The following RUBCNL variants were observed in gnomAD, a reference collection of about 807,000 sequenced individuals.
RUBCNL encodes rubicon like autophagy enhancer, also known as protein associated with UVRAG as autophagy enhancer.
A neutral mutation model predicts 69.5 loss-of-function variants in RUBCNL; 62 were observed. The observed-to-expected ratio is 0.89, with a 90% CI of 0.73 to 1.10. The LOEUF is 1.10. Among genes scored for constraint, RUBCNL ranks in the 50% least tolerant of loss-of-function variants. The pLI is 0.00. For synonymous variants in RUBCNL, 291 were observed against 303.6 expected, an observed-to-expected ratio of 0.96 and a Z score of 0.43; for missense variants, 768 against 798.1, an observed-to-expected ratio of 0.96 and a Z score of 0.45.
At chr13:46,367,890 A>G (rs2048792949) in intron 5 of RUBCNL, 152 bp downstream of exon 5, 2 of 717,518 alleles carry the variant, frequency 2.8e-6, no homozygotes, top group Admixed American at 5.2e-5. Flanking sequence ...CAAGAACAAA[A>G]AAAAAGTAGT....
In RUBCNL at chr13:46,337,619, C is replaced by T. The variant is rs1458807658; in HGVS notation, c.*5766G>A. Among the ~76,000 whole-genome samples the T allele has an allele frequency of 1.3e-5, 2 of 152,066 alleles. No individual in the cohort carries two copies. Among genetic ancestry groups the T allele is most frequent in the African/African-American group, 2.4e-5 (1 of 41,362 alleles). On this transcript the variant is annotated 3_prime_UTR_variant, in exon 15 of 15. Transcript: ENST00000429979. ...TTTCTGTTGTTTATTATCCACCTAG[C>T]GTAAGGTATTTTATTATAGCAGCCT...
chr13:46,360,915 C>T (rs2048596309), intron 8 of RUBCNL, among the ~76,000 whole-genome samples: 1 of 152,154 alleles, frequency 6.6e-6, no homozygotes, highest in South Asian at 2.1e-4. Flanking sequence ...TAACAGGATA[C>T]TTATGAGGAT....
At chr13:46,381,227 T>C (rs551114274) in intron 1 of RUBCNL, among the ~76,000 whole-genome samples, 2 of 152,310 alleles carry the variant, frequency 1.3e-5, no homozygotes, top group African/African-American at 4.8e-5. Flanking sequence ...TGACCATCAA[T>C]TGATGAATTA....
At chr13:46,358,839 C>T (rs1446646634) in intron 9 of RUBCNL, among the ~76,000 whole-genome samples, 1 of 151,918 alleles carries the variant, frequency 6.6e-6, no homozygotes, top group African/African-American at 2.4e-5. Context: ...GGATTATAGA[C>T]AGGTGTGAGC....
In RUBCNL at chr13:46,363,183, G is replaced by C. The variant is rs1171623109; in HGVS notation, c.857C>G (p.Thr286Ser). ...GCAVLQVSPV[T>S]ETRTYHDVKE... is the part of the protein sequence containing the mutation. ...CACATCATGGTAAGTACGTGTTTCAGTCACTGGGCTGACCTGTAACACAGC... is the reference window on the plus strand; with the variant it reads ...CACATCATGGTAAGTACGTGTTTCACTCACTGGGCTGACCTGTAACACAGC... Residue 286 changes from threonine (T) to serine (S), a missense_variant, in exon 6 of 15, where the codon ACT (threonine) becomes AGT (serine). Coordinates refer to ENST00000429979, the MANE Select transcript of RUBCNL (RefSeq NM_025113.5). 1.3e-6 allele frequency: 2 copies of C among 1,596,498 alleles called. No homozygotes were observed. The highest frequency in any genetic ancestry group is 1.7e-4 in the Middle Eastern group (1 of 6,010).
At position 46,342,611 on chromosome 13, in the gene RUBCNL, C is replaced by T. The variant is rs1012240198; in HGVS notation, c.*774G>A. The T allele has an allele frequency of 6.6e-6, 1 of 152,088 alleles. No homozygotes were observed. Among genetic ancestry groups the T allele is most frequent in the African/African-American group, 2.4e-5 (1 of 41,404 alleles). 9.4% of individuals were successfully genotyped at this position (152,088 alleles called of 1,614,324 possible). A position where few individuals can be genotyped will look rare whatever the true frequency, so the allele number is the denominator to read the frequency against. On this transcript the variant is annotated 3_prime_UTR_variant, in exon 15 of 15. Transcript: ENST00000429979. Reference sequence around the variant, plus strand: ...CCAGTTCGTTTAAATCTGCAAATACCTTATGTTCAGTTTTACATCTGTTAA... The same window carrying T: ...CCAGTTCGTTTAAATCTGCAAATACTTTATGTTCAGTTTTACATCTGTTAA...
intron 2 of RUBCNL, among the ~76,000 whole-genome samples, chr13:46,376,457 G>T (rs2048996826): frequency 6.6e-6 from 1 of 151,998 alleles, no homozygotes; most frequent in Non-Finnish European, 1.5e-5. Flanking sequence ...AAATATCACA[G>T]AGTACAGCTG....
At chr13:46,349,721 G>A (rs1175651683) in intron 11 of RUBCNL, among the ~76,000 whole-genome samples, 1 of 151,354 alleles carries the variant, frequency 6.6e-6, no homozygotes, top group Non-Finnish European at 1.5e-5. Flanking sequence ...CTGTCACCCA[G>A]GCTGGAGTGC....
rs2048229365 is a variant in RUBCNL, at chr13:46,345,594, T to C, written c.1638A>G (p.Leu546=). The change falls in exon 13 of 15, where the codon TTA becomes TTG. Residue 546 remains leucine (L), a synonymous_variant. Coordinates refer to ENST00000429979, the MANE Select transcript of RUBCNL (RefSeq NM_025113.5). ...GTCCCGGCACCTGCTCGAACTCCTT[T>C]AATGCACTGCCAGAGAGGAAACAAA... ...LKTCRFANSA[L]KEFEQVPGHL... 3 of 1,613,438 alleles carry C rather than the reference T, an allele frequency of 1.9e-6. No homozygotes were observed. Among genetic ancestry groups the C allele is most frequent in the African/African-American group, 1.3e-5 (1 of 74,896 alleles).
At chr13:46,369,497 A>G (rs1189782155) in intron 3 of RUBCNL, among the ~76,000 whole-genome samples, 10 of 152,192 alleles carry the variant, frequency 6.6e-5, no homozygotes, top group Admixed American at 6.5e-4. Context: ...TTACAGGCAG[A>G]TTGAGCCACT....
chr13:46,357,196 G>A (rs1345553553), intron 9 of RUBCNL, among the ~76,000 whole-genome samples: 2 of 151,728 alleles, frequency 1.3e-5, no homozygotes, highest in Non-Finnish European at 2.9e-5. Context: ...AGCCGGGCGT[G>A]GTGGTGGACA....
At position 46,375,389 on chromosome 13, in the gene RUBCNL, T is replaced by C. The variant is rs147804557; in HGVS notation, c.-123+2501A>G. 8.1e-3 allele frequency among the ~76,000 whole-genome samples: 1,237 copies of C among 152,106 alleles called. 11 individuals carry two copies. Among genetic ancestry groups the C allele is most frequent in the African/African-American group, 0.028 (1,146 of 41,500 alleles). On this transcript the variant is annotated intron_variant, in intron 2 of 14. Coordinates refer to ENST00000429979, the MANE Select transcript of RUBCNL (RefSeq NM_025113.5). ...CTCTACTAAAAATACAAAAATTAGC[T>C]GGGCGTGGTGGCGGGCGCCTATAAT...
intron 5 of RUBCNL, among the ~76,000 whole-genome samples, chr13:46,366,906 C>T (rs755159537): frequency 2.0e-5 from 3 of 152,116 alleles, no homozygotes; most frequent in Non-Finnish European, 2.9e-5. Context: ...GCCAGCCAGA[C>T]GGACAAGCCT....
chr13:46,346,862 T>C (rs979187515), intron 12 of RUBCNL, among the ~76,000 whole-genome samples: 2 of 152,254 alleles, frequency 1.3e-5, no homozygotes, highest in African/African-American at 4.8e-5. Context: ...CTTTTTCTAC[T>C]TAAAAATCTC....
chr13:46,338,911 G>A lies in RUBCNL; in HGVS notation c.*4474C>T, dbSNP rs931766424. On this transcript the variant is annotated 3_prime_UTR_variant, in exon 15 of 15. Transcript: ENST00000429979. ...AACAGAAAAAAATTAGCTGGGCATG[G>A]TGGCACATGCCTGTGGTCCCAGCTA... is the stretch of plus-strand genomic sequence containing the variant. Among the ~76,000 whole-genome samples, 1 of 152,100 alleles carries A rather than the reference G, an allele frequency of 6.6e-6. No homozygotes were observed. Among genetic ancestry groups the A allele is most frequent in the African/African-American group, 2.4e-5 (1 of 41,392 alleles).
rs1008215840 is a variant in RUBCNL, at chr13:46,336,761, C to A, written c.*6624G>T. Among the ~76,000 whole-genome samples, 1 of 151,854 alleles carries A rather than the reference C, an allele frequency of 6.6e-6. No homozygotes were observed. Among genetic ancestry groups the A allele is most frequent in the South Asian group, 2.1e-4 (1 of 4,814 alleles). On this transcript the variant is annotated 3_prime_UTR_variant, in exon 15 of 15. Coordinates refer to ENST00000429979, the MANE Select transcript of RUBCNL (RefSeq NM_025113.5). ...GTAAAGGAAGAAAGAGGTGTGGAAG[C>A]GATGGCAAACATTAAAAACTGTTCT...
intron 2 of RUBCNL, among the ~76,000 whole-genome samples, chr13:46,376,468 G>C (rs1042393956): frequency 6.6e-6 from 1 of 152,056 alleles, no homozygotes; most frequent in Non-Finnish European, 1.5e-5. Context: ...AGTACAGCTG[G>C]TTGTGTTAAC....
chr13:46,344,660 G>C, intron 14 of RUBCNL, 81 bp downstream of exon 14: 1 of 910,684 alleles, frequency 1.1e-6, no homozygotes, highest in Non-Finnish European at 1.7e-6. Context: ...TTCAGCTTAA[G>C]TTAATTTTGT....
intron 12 of RUBCNL, among the ~76,000 whole-genome samples, chr13:46,348,854 G>A (rs761115528): frequency 7.9e-5 from 12 of 151,946 alleles, no homozygotes; most frequent in African/African-American, 1.2e-4. Context: ...CACCCACCTC[G>A]GCCTCCCAAA....
Sources: allele counts gnomAD v4.1 joint callset (sites outside exome capture counted in the v4.1 genomes callset), GRCh38; gene constraint gnomAD v4.1.1; transcripts MANE v1.5; gene names NCBI Gene and HGNC (gene_info 2026-07-23, HGNC 2026-07-21).